RBFOX1: variants seen among roughly 807,000 people sequenced by gnomAD.
RBFOX1 encodes RNA binding fox-1 homolog 1.
In RBFOX1, 8 loss-of-function variants were observed where a neutral mutation model predicts 57.7. The ratio of observed to expected loss-of-function variants is 0.14; its 90% CI spans 0.08 to 0.25. RBFOX1 has a LOEUF of 0.25. Among genes scored for constraint, RBFOX1 ranks in the 10% least tolerant of loss-of-function variants. RBFOX1 has a pLI of 1.00. For missense variants in RBFOX1, 611 were observed against 548.5 expected, an observed-to-expected ratio of 1.11 and a Z score of -1.14; for synonymous variants, 326 against 222.4, an observed-to-expected ratio of 1.47 and a Z score of -4.15.
chr16:7,049,260 A>C (rs1298903421), intron 3 of RBFOX1, among the ~76,000 whole-genome samples: 1 of 152,128 alleles, frequency 6.6e-6, no homozygotes, highest in Non-Finnish European at 1.5e-5. Flanking sequence ...CATTTAGGGC[A>C]AAGTGTCAAG....
chr16:7,669,735 A>G (rs563902596), intron 13 of RBFOX1, among the ~76,000 whole-genome samples: 2 of 152,324 alleles, frequency 1.3e-5, no homozygotes, highest in South Asian at 2.1e-4. Flanking sequence ...AAACTCAGGA[A>G]TGAGATGTGT....
chr16:7,621,185 A>T (rs1325630586), intron 10 of RBFOX1, among the ~76,000 whole-genome samples: 1 of 152,218 alleles, frequency 6.6e-6, no homozygotes, highest in Admixed American at 6.5e-5. Flanking sequence ...ACATCTTGCA[A>T]GATAGAACTT....
chr16:7,192,627 C>T (rs2085702192), intron 4 of RBFOX1, among the ~76,000 whole-genome samples: 1 of 152,076 alleles, frequency 6.6e-6, no homozygotes, highest in African/African-American at 2.4e-5. Context: ...AAAACTAATG[C>T]AATAGACAGT....
chr16:7,194,211 C>T (rs1006973481), intron 4 of RBFOX1, among the ~76,000 whole-genome samples: 6 of 152,116 alleles, frequency 3.9e-5, no homozygotes, highest in South Asian at 2.1e-4. Context: ...AAATGGAAGC[C>T]TCCGGCTCAG....
chr16:7,364,391 C>G (rs1452146758), intron 4 of RBFOX1, among the ~76,000 whole-genome samples: 2 of 152,082 alleles, frequency 1.3e-5, no homozygotes, highest in Non-Finnish European at 2.9e-5. Flanking sequence ...CATTATGGTG[C>G]TAATTCATAG....
At chr16:7,453,728 A>G (rs1014354758) in intron 4 of RBFOX1, among the ~76,000 whole-genome samples, 12 of 152,180 alleles carry the variant, frequency 7.9e-5, no homozygotes, top group Admixed American at 7.9e-4. Context: ...CCTCTGAGCA[A>G]TGCACAGACT....
chr16:6,767,370 C>T (rs918106628), intron 3 of RBFOX1, among the ~76,000 whole-genome samples: 2 of 152,076 alleles, frequency 1.3e-5, no homozygotes, highest in Non-Finnish European at 2.9e-5. Flanking sequence ...AGAATGTGGC[C>T]AACCTCCTAG....
intron 4 of RBFOX1, among the ~76,000 whole-genome samples, chr16:7,439,075 G>A (rs737992): frequency 0.57 from 86,109 of 152,098 alleles, 28,971 homozygotes; most frequent in Non-Finnish European, 0.76. Context: ...GAGTCTCTCT[G>A]TGCACTCTCA....
intron 5 of RBFOX1, among the ~76,000 whole-genome samples, chr16:7,563,734 C>A (rs534487094): frequency 2.0e-5 from 3 of 152,160 alleles, no homozygotes; most frequent in African/African-American, 7.2e-5. Context: ...TCCCAAAGTG[C>A]TGGGATTACA....
At chr16:7,217,639 A>G (rs1452231987) in intron 4 of RBFOX1, among the ~76,000 whole-genome samples, 1 of 152,044 alleles carries the variant, frequency 6.6e-6, no homozygotes, top group African/African-American at 2.4e-5. Flanking sequence ...TGAAAAGGAA[A>G]AAAAAATGTC....
At chr16:7,506,184 C>CAAAAAAAAAAAAA (rs552568132) in intron 4 of RBFOX1, among the ~76,000 whole-genome samples, 1 of 49,948 alleles carries the variant, frequency 2.0e-5, no homozygotes, top group African/African-American at 7.3e-5. Flanking sequence ...GACTCTGTCT[C>CAAAAAAAAAAAAA]AAAAAAAAAA....
intron 2 of RBFOX1, among the ~76,000 whole-genome samples, chr16:6,614,354 A>G (rs2154028230): frequency 6.6e-6 from 1 of 152,330 alleles, no homozygotes; most frequent in East Asian, 1.9e-4. Flanking sequence ...GGTATGAAGA[A>G]TTAACATCCC....
chr16:5,375,045 C>G (rs988503910), intron 1 of RBFOX1, among the ~76,000 whole-genome samples: 1 of 135,570 alleles, frequency 7.4e-6, no homozygotes, highest in Admixed American at 8.3e-5. Flanking sequence ...GGCAGTAGTT[C>G]CTGATCTGTG....
intron 3 of RBFOX1, among the ~76,000 whole-genome samples, chr16:6,881,631 C>T (rs541316456): frequency 2.0e-5 from 3 of 152,210 alleles, no homozygotes; most frequent in Non-Finnish European, 4.4e-5. Flanking sequence ...TTGATTCCCT[C>T]TGCAAATATT....
intron 4 of RBFOX1, among the ~76,000 whole-genome samples, chr16:5,919,675 T>A (rs1355667338): frequency 6.6e-6 from 1 of 152,092 alleles, no homozygotes; most frequent in Non-Finnish European, 1.5e-5. Context: ...TCCATGGTAT[T>A]TAGTGCATTC....
intron 4 of RBFOX1, among the ~76,000 whole-genome samples, chr16:5,877,328 T>C (rs1394780413): frequency 1.3e-5 from 2 of 152,210 alleles, no homozygotes; most frequent in Non-Finnish European, 2.9e-5. Flanking sequence ...TGAAACACTT[T>C]TTTCTGCTCT....
intron 3 of RBFOX1, among the ~76,000 whole-genome samples, chr16:7,050,154 CT>C (rs58027559): frequency 0.24 from 33,371 of 138,156 alleles, 5,065 homozygotes; most frequent in African/African-American, 0.45. Flanking sequence ...TCAATGTGGG[CT>C]TTTTTTTTTT....
intron 2 of RBFOX1, among the ~76,000 whole-genome samples, chr16:5,487,103 G>T (rs1031657063): frequency 2.0e-5 from 3 of 151,644 alleles, no homozygotes; most frequent in Non-Finnish European, 4.4e-5. Context: ...ATTTCCTCAG[G>T]CAAGCCCTCC....
intron 3 of RBFOX1, among the ~76,000 whole-genome samples, chr16:6,775,133 G>C (rs978954195): frequency 6.6e-6 from 1 of 150,424 alleles, no homozygotes; most frequent in African/African-American, 2.5e-5. Context: ...AGACCATCCT[G>C]GCGAACATGG....
Sources: gnomAD v4.1 joint callset for allele counts (sites outside exome capture counted in the v4.1 genomes callset) on GRCh38, gnomAD v4.1.1 for gene constraint, MANE v1.5 for transcripts, NCBI Gene and HGNC (gene_info 2026-07-23, HGNC 2026-07-21) for gene names.